The following DOCK8 variants were observed in gnomAD, a reference collection of about 807,000 sequenced individuals.
The protein encoded by DOCK8 is dedicator of cytokinesis 8.
In DOCK8, 141 loss-of-function variants were observed where a neutral mutation model predicts 245.6. The observed-to-expected ratio is 0.57, with a 90% CI of 0.50 to 0.66. The LOEUF is 0.66. Ranked by LOEUF, DOCK8 falls within the 30% of genes least tolerant of loss-of-function variation. The pLI, the probability that DOCK8 is intolerant of heterozygous loss-of-function variation, is 0.00. For synonymous variants in DOCK8, 1,168 were observed against 970.2 expected (o/e 1.20, Z -3.79); for missense variants, 2,965 against 2,603.4 (o/e 1.14, Z -3.02).
At chr9:426,737 A>C (rs2056516539) in intron 33 of DOCK8, 148 bp from the exon 34 acceptor site, 2 of 702,154 alleles carry the variant, frequency 2.8e-6, no homozygotes, top group Admixed American at 4.1e-5. Context: ...AGGCACCTGC[A>C]CTGTAGTTAC....
At chr9:318,347 G>A (rs1390043674) in intron 7 of DOCK8, among the ~76,000 whole-genome samples, 4 of 152,228 alleles carry the variant, frequency 2.6e-5, no homozygotes, top group African/African-American at 9.6e-5. Flanking sequence ...CTGGTTTGCA[G>A]TGAGAAGGCA....
intron 4 of DOCK8, among the ~76,000 whole-genome samples, chr9:290,128 A>G (rs1359683081): frequency 1.3e-5 from 2 of 152,146 alleles, no homozygotes; most frequent in Admixed American, 1.3e-4. Context: ...CCATTAACTT[A>G]CTGAGAAAGA....
At chr9:406,852 G>C (rs2055446331) in intron 27 of DOCK8, 78 bp from the exon 28 acceptor site, 2 of 1,594,670 alleles carry the variant, frequency 1.3e-6, no homozygotes, top group Admixed American at 3.3e-5. Context: ...GCTGGGGCGA[G>C]GACTCAGTAA....
At position 338,993 on chromosome 9, in the gene DOCK8, T is replaced by A. The variant is rs907536853; in HGVS notation, c.1423-13T>A. 1.2e-6 allele frequency: 2 copies of A among 1,613,738 alleles called. No homozygotes were observed. The highest frequency in any genetic ancestry group is 1.7e-6 in the Non-Finnish European group (2 of 1,179,710). The stretch of plus-strand genomic sequence containing the variant: ...AGGTGCATCTACATTAACTCTGACT[T>A]TTCTCTTGGCAGGAAGGAGATCGCC... On this transcript the variant is annotated splice_polypyrimidine_tract_variant and intron_variant, in intron 12 of 47. Coordinates refer to ENST00000432829, the MANE Select transcript of DOCK8 (RefSeq NM_203447.4).
At chr9:309,750 C>G (rs1444818738) in intron 5 of DOCK8, among the ~76,000 whole-genome samples, 2 of 152,176 alleles carry the variant, frequency 1.3e-5, no homozygotes, top group East Asian at 1.9e-4. Flanking sequence ...CCACATCGAC[C>G]TTTGGAAGCA....
At chr9:228,412 C>CACTG (rs1219424160) in intron 1 of DOCK8, among the ~76,000 whole-genome samples, 1 of 152,106 alleles carries the variant, frequency 6.6e-6, no homozygotes, top group East Asian at 1.9e-4. Flanking sequence ...ACTCTGATGA[C>CACTG]ACTGACATAC....
intron 40 of DOCK8, 50 bp downstream of exon 40, chr9:439,438 G>T: frequency 1.2e-6 from 2 of 1,605,560 alleles, no homozygotes; most frequent in South Asian, 1.1e-5. Flanking sequence ...ACTCCAGCTG[G>T]ACTTGGGGTG....
chr9:390,353 C>A (rs1219475074), intron 23 of DOCK8, 118 bp from the exon 24 acceptor site: 2 of 918,930 alleles, frequency 2.2e-6, no homozygotes, highest in African/African-American at 3.3e-5. Flanking sequence ...ACATCTAAGA[C>A]ACATGCTTCA....
At chr9:216,537 CAAAAAA>C (rs59529982) in intron 1 of DOCK8, among the ~76,000 whole-genome samples, 9 of 88,926 alleles carry the variant, frequency 1.0e-4, no homozygotes, top group Non-Finnish European at 1.7e-4. Context: ...AAAAAACAGA[CAAAAAA>C]AAAAAAAAAA....
intron 35 of DOCK8, 117 bp downstream of exon 35, chr9:428,613 TA>T: frequency 7.7e-7 from 1 of 1,295,506 alleles, no homozygotes; most frequent in East Asian, 2.5e-5. Flanking sequence ...GGCATCACAG[TA>T]AAGGTCTTAA....
chr9:439,102 G>A lies in DOCK8; in HGVS notation c.5080-143G>A, dbSNP rs10733508. ...AAATGAATGGCAGACAGATACTCTC[G>A]GGGTAGAATTACAGACCTAGTTTAG... On this transcript the variant is annotated intron_variant, in intron 39 of 47. Transcript: ENST00000432829. The A allele has an allele frequency of 4.0e-6, 4 of 1,007,758 alleles. No homozygotes were observed. The African/African-American group carries it at 6.4e-5, about 16-fold the overall frequency. 62.4% of individuals were successfully genotyped at this position (1,007,758 alleles called of 1,614,324 possible). A position where few individuals can be genotyped will look rare whatever the true frequency, so the allele number is the denominator to read the frequency against.
chr9:446,005 T>G (rs935077990), intron 43 of DOCK8, among the ~76,000 whole-genome samples: 15 of 152,264 alleles, frequency 9.9e-5, no homozygotes, highest in African/African-American at 3.6e-4. Context: ...CCATTCATGC[T>G]TCCTCATAAC....
intron 12 of DOCK8, among the ~76,000 whole-genome samples, chr9:337,233 A>G (rs1485521912): frequency 6.6e-6 from 1 of 152,196 alleles, no homozygotes; most frequent in Non-Finnish European, 1.5e-5. Flanking sequence ...AAACCACAGC[A>G]TTCACAAAGC....
chr9:452,905 A>G (rs768767496), intron 46 of DOCK8: 1 of 152,218 alleles, frequency 6.6e-6, no homozygotes, highest in Admixed American at 6.5e-5. Context: ...TGGGTCTCCT[A>G]TGGTCCTAAA....
chr9:319,647 C>T (rs2050498989), intron 7 of DOCK8, among the ~76,000 whole-genome samples: 1 of 152,104 alleles, frequency 6.6e-6, no homozygotes, highest in Admixed American at 6.6e-5. Context: ...CATAATACTA[C>T]ATGTTTTAGC....
chr9:213,371 G>C (rs2046653133), upstream of DOCK8: 1 of 152,086 alleles, frequency 6.6e-6, no homozygotes, highest in African/African-American at 2.4e-5. Flanking sequence ...GGTTGTATTG[G>C]ACTGGCACTG....
intron 24 of DOCK8, among the ~76,000 whole-genome samples, chr9:390,909 C>A (rs1003734514): frequency 1.3e-5 from 2 of 152,182 alleles, no homozygotes; most frequent in African/African-American, 2.4e-5. Flanking sequence ...CAATACTAAA[C>A]AGAGAATGTC....
Position 432,214 on chromosome 9 carries a change from G to A in DOCK8, c.4675G>A (p.Val1559Met). Reference protein sequence around the residue: ...MQVTMSLASLVGRAPDFNEEH... With the variant: ...MQVTMSLASLMGRAPDFNEEH... ...AGTAACCATGTCCCTGGCATCTTTG[G>A]TGGGAAGAGCACCAGACTTTAATGA... Residue 1559 changes from valine to methionine, a missense_variant, in exon 37 of 48, where the codon GTG (valine) becomes ATG (methionine). Val to Met is a conservative substitution (Grantham distance 21). This residue lies in a region of DOCK8 where 2,825 missense variants were observed against 2,453.5 expected (regional missense o/e 1.15). Coordinates refer to ENST00000432829, the MANE Select transcript of DOCK8 (RefSeq NM_203447.4). The A allele has an allele frequency of 6.2e-7, 1 of 1,613,648 alleles. No homozygotes were observed. Among genetic ancestry groups the A allele is most frequent in the Non-Finnish European group, 8.5e-7 (1 of 1,179,950 alleles).
At chr9:461,512 T>G (rs939314615) in intron 46 of DOCK8, among the ~76,000 whole-genome samples, 3 of 151,334 alleles carry the variant, frequency 2.0e-5, no homozygotes, top group Non-Finnish European at 2.9e-5. Context: ...GAGTTTTTTG[T>G]CTTTTAGCAA....
Sources: gnomAD v4.1 joint callset for allele counts (sites outside exome capture counted in the v4.1 genomes callset) on GRCh38, gnomAD v4.1.1 for gene constraint, gnomAD v4.1.1 regional missense constraint, MANE v1.5 for transcripts, NCBI Gene and HGNC (gene_info 2026-07-23, HGNC 2026-07-21) for gene names.